CYSLTR1: variants seen among roughly 807,000 people sequenced by gnomAD.
CYSLTR1 encodes the protein cysteinyl leukotriene receptor 1, also known as G-protein coupled receptor HG55.
A neutral mutation model predicts 2.1 loss-of-function variants in CYSLTR1; 1 was observed. The observed-to-expected ratio is 0.48, with a 90% CI of 0.17 to 2.28. The LOEUF (loss-of-function observed/expected upper bound fraction) is 2.28, where lower values mean the gene tolerates loss of function less well. Among genes scored for constraint, CYSLTR1 ranks in the 30% most tolerant of loss-of-function variants. CYSLTR1 has a pLI of 0.26. For synonymous variants in CYSLTR1, 110 were observed against 89.6 expected (o/e 1.23, Z -1.28); for missense variants, 299 against 250.1 (o/e 1.20, Z -1.32).
chrX:78,314,515 T>C, intron 1 of CYSLTR1, among the ~76,000 whole-genome samples: 1 of 111,313 alleles, frequency 9.0e-6, no homozygotes, highest in Admixed American at 9.5e-5. Context: ...AAAGAGGCAC[T>C]AAAAAGGTAG....
intron 1 of CYSLTR1, among the ~76,000 whole-genome samples, chrX:78,310,876 TTGGGCGTGTGTGGGTGTG>T (rs1393602292): frequency 9.1e-6 from 1 of 110,095 alleles, no homozygotes; most frequent in Admixed American, 9.8e-5. Flanking sequence ...GTATGTGTGT[TTGGGCGTGTGTGGGTGTG>T]TGGGCGTGTG....
intron 2 of CYSLTR1, among the ~76,000 whole-genome samples, chrX:78,279,684 A>G (rs370953738): frequency 8.9e-6 from 1 of 112,342 alleles, no homozygotes; most frequent in East Asian, 2.8e-4. Context: ...TAGCAAAAAC[A>G]TGGAATCAAC....
At chrX:78,284,333 T>C (rs1266235354) in intron 1 of CYSLTR1, among the ~76,000 whole-genome samples, 2 of 112,077 alleles carry the variant, frequency 1.8e-5, no homozygotes, top group East Asian at 2.8e-4. Flanking sequence ...TATTCCTTTA[T>C]CTGTGGTCCA....
At chrX:78,318,518 T>A (rs1256307122) in intron 1 of CYSLTR1, among the ~76,000 whole-genome samples, 1 of 111,831 alleles carries the variant, frequency 8.9e-6, no homozygotes, top group Non-Finnish European at 1.9e-5. Flanking sequence ...ATCCTGCACA[T>A]GTACCCCTGA....
At chrX:78,322,383 TTTA>T (rs774439227) in intron 1 of CYSLTR1, among the ~76,000 whole-genome samples, 76 of 112,305 alleles carry the variant, frequency 6.8e-4, no homozygotes, top group African/African-American at 9.0e-4. Flanking sequence ...AATGTAAATT[TTTA>T]TTATTCTCTT....
chrX:78,308,441 G>T (rs1395567441), intron 1 of CYSLTR1, among the ~76,000 whole-genome samples: 1 of 111,119 alleles, frequency 9.0e-6, no homozygotes, highest in East Asian at 2.8e-4. Flanking sequence ...ATTTCCTGAG[G>T]TTCAAGTGAA....
rs779307211 is a variant in CYSLTR1, at chrX:78,306,005, AT to A, written c.-115+21299del. Among the ~76,000 whole-genome samples the A allele has an allele frequency of 8.0e-5, 9 of 112,892 alleles. No individual in the cohort carries two copies. In the East Asian group the frequency reaches 2.5e-3, roughly 31 times the overall value. On this transcript the variant is annotated intron_variant, in intron 1 of 2. Transcript: ENST00000373304. ...ATACACAGTGGAATACTATTTGGCCATAAAATTAGATCCAGTAATTTGCAAC... is the reference window on the plus strand; with the variant it reads ...ATACACAGTGGAATACTATTTGGCCAAAAATTAGATCCAGTAATTTGCAAC...
intron 2 of CYSLTR1, among the ~76,000 whole-genome samples, chrX:78,276,346 A>T (rs1282016502): frequency 1.8e-5 from 2 of 111,463 alleles, no homozygotes; most frequent in Admixed American, 9.6e-5. Flanking sequence ...ATATCAGATA[A>T]TCTTTGATTG....
chrX:78,295,106 CA>C (rs1870987853), intron 1 of CYSLTR1, among the ~76,000 whole-genome samples: 1 of 112,308 alleles, frequency 8.9e-6, no homozygotes, highest in African/African-American at 3.2e-5. Context: ...CCTATTTGGC[CA>C]TCTTGGAATG....
chrX:78,287,032 G>A (rs1318724082), intron 1 of CYSLTR1, among the ~76,000 whole-genome samples: 1 of 111,228 alleles, frequency 9.0e-6, no homozygotes, highest in African/African-American at 3.3e-5. Flanking sequence ...TATTGTGTAT[G>A]ACAGTTCTTT....
At chrX:78,299,618 C>A (rs190018064) in intron 1 of CYSLTR1, among the ~76,000 whole-genome samples, 2 of 111,017 alleles carry the variant, frequency 1.8e-5, no homozygotes, top group Non-Finnish European at 3.8e-5. Context: ...GCCACTCTCT[C>A]CTGCCCTGTA....
chrX:78,272,697 C>G lies in CYSLTR1; in HGVS notation c.*36G>C, dbSNP rs1304568667. 4.7e-6 allele frequency: 5 copies of G among 1,057,987 alleles called. No individual in the cohort carries two copies. The highest frequency in any genetic ancestry group is 6.2e-6 in the Non-Finnish European group (5 of 810,492). 87.2% of individuals were successfully genotyped at this position (1,057,987 alleles called of 1,213,427 possible). On this transcript the variant is annotated 3_prime_UTR_variant, in exon 3 of 3. Transcript: ENST00000373304. ...TTTGACAAAATACTTATTTGGGAAACTATTTTCATTGGTTTGGACTGGAAA... is the reference window on the plus strand; with the variant it reads ...TTTGACAAAATACTTATTTGGGAAAGTATTTTCATTGGTTTGGACTGGAAA...
chrX:78,289,875 A>T (rs1412792442), intron 1 of CYSLTR1, among the ~76,000 whole-genome samples: 1 of 111,645 alleles, frequency 9.0e-6, no homozygotes, highest in Non-Finnish European at 1.9e-5. Context: ...CCTTTGTCAG[A>T]TGGGTAGATT....
chrX:78,306,418 T>C (rs778172659), intron 1 of CYSLTR1, among the ~76,000 whole-genome samples: 1 of 111,259 alleles, frequency 9.0e-6, no homozygotes, highest in Non-Finnish European at 1.9e-5. Context: ...CCTGCCTCAG[T>C]TTCCCAAAGT....
chrX:78,277,232 G>T (rs979872404), intron 2 of CYSLTR1, among the ~76,000 whole-genome samples: 9 of 111,142 alleles, frequency 8.1e-5, no homozygotes, highest in Non-Finnish European at 9.4e-5. Flanking sequence ...TAGGGTAGGG[G>T]TAGTATGATC....
At chrX:78,274,460 C>A (rs1921477359) in intron 2 of CYSLTR1, among the ~76,000 whole-genome samples, 1 of 111,431 alleles carries the variant, frequency 9.0e-6, no homozygotes, top group African/African-American at 3.3e-5. Context: ...ACAAACCTGA[C>A]AAAAGCAAGA....
chrX:78,311,988 A>G (rs1010109186), intron 1 of CYSLTR1, among the ~76,000 whole-genome samples: 14 of 111,901 alleles, frequency 1.3e-4, no homozygotes, highest in African/African-American at 4.5e-4. Context: ...AATTCTAAAA[A>G]TTCATATGAA....
intron 1 of CYSLTR1, among the ~76,000 whole-genome samples, chrX:78,317,004 G>T (rs1448254771): frequency 8.9e-6 from 1 of 111,833 alleles, no homozygotes; most frequent in Non-Finnish European, 1.9e-5. Flanking sequence ...TAAACTAAAA[G>T]AATTCTGCAC....
intron 1 of CYSLTR1, among the ~76,000 whole-genome samples, chrX:78,298,083 G>A (rs377424659): frequency 1.8e-5 from 2 of 110,708 alleles, no homozygotes; most frequent in African/African-American, 3.3e-5. Flanking sequence ...TTCCATTATC[G>A]TTTGTTTCAA....
Sources: gnomAD v4.1 joint callset for allele counts (sites outside exome capture counted in the v4.1 genomes callset) on GRCh38, gnomAD v4.1.1 for gene constraint, MANE v1.5 for transcripts, NCBI Gene and HGNC (gene_info 2026-07-23, HGNC 2026-07-21) for gene names.